Variants in SMG7 observed in about 807,000 individuals in gnomAD.
The protein encoded by SMG7 is nonsense-mediated mRNA decay factor SMG7.
Under a neutral mutation model 148.2 loss-of-function variants are expected in SMG7, and 34 were observed. That is an observed-to-expected ratio of 0.23 (90% CI 0.17 to 0.31). The LOEUF (loss-of-function observed/expected upper bound fraction) is 0.31. SMG7 is among the 10% of genes least tolerant of loss of function. SMG7 has a pLI of 1.00. For missense variants in SMG7, 1,114 were observed against 1,408.4 expected, an observed-to-expected ratio of 0.79 and a Z score of 3.35; for synonymous variants, 492 against 515.1, an observed-to-expected ratio of 0.96 and a Z score of 0.61.
intron 14 of SMG7, among the ~76,000 whole-genome samples, chr1:183,543,790 A>G (rs563176220): frequency 4.6e-5 from 7 of 152,242 alleles, no homozygotes; most frequent in Middle Eastern, 3.4e-3. Flanking sequence ...GGCTCCATCT[A>G]TAGGATCTCA....
intron 1 of SMG7, among the ~76,000 whole-genome samples, chr1:183,493,651 G>A (rs1356814308): frequency 4.6e-5 from 7 of 152,078 alleles, no homozygotes; most frequent in African/African-American, 7.2e-5. Context: ...GCGCAATCTC[G>A]GCTGATTGCA....
Position 183,545,005 on chromosome 1 carries a change from G to T in SMG7, c.2063G>T (p.Gly688Val). The T allele has an allele frequency of 6.2e-7, 1 of 1,613,728 alleles. No individual in the cohort carries two copies. The highest frequency in any genetic ancestry group is 8.5e-7 in the Non-Finnish European group (1 of 1,179,920). The change falls in exon 16 of 23, where the codon GGT (glycine) becomes GTT (valine). Residue 688 changes from glycine (G) to valine (V), a missense_variant. By Grantham distance (109) the Gly-to-Val change is moderately radical. This residue lies in a region of SMG7 where 788 missense variants were observed against 894.5 expected (regional missense o/e 0.88). Coordinates refer to ENST00000688051, the MANE Select transcript of SMG7 (RefSeq NM_001375584.1). The part of the protein sequence containing the change: ...SMGSGYTFPA[G>V]VSVPGTFLQP... ...GGCTCAGGTTACACCTTCCCAGCTG[G>T]TGTTTCTGTCCCAGGAACCTTTCTT...
intron 22 of SMG7, 53 bp downstream of exon 22, chr1:183,551,243 C>G: frequency 6.6e-7 from 1 of 1,508,196 alleles, no homozygotes. Context: ...AAAGGTGTCT[C>G]TGCTTTCATT....
At chr1:183,496,424 A>G (rs1658497124) in intron 1 of SMG7, among the ~76,000 whole-genome samples, 1 of 152,146 alleles carries the variant, frequency 6.6e-6, no homozygotes, top group Non-Finnish European at 1.5e-5. Flanking sequence ...TTTGACCTTT[A>G]CATCTCTCTG....
At position 183,527,632 on chromosome 1, in the gene SMG7, A is replaced by G; in HGVS notation, c.485-324A>G. On this transcript the variant is annotated intron_variant, in intron 5 of 22. Coordinates refer to ENST00000688051, the MANE Select transcript of SMG7 (RefSeq NM_001375584.1). The surrounding 1 kb of genome is among the most constrained non-coding windows in gnomAD (Gnocchi z 4.0). Reference sequence around the variant, plus strand: ...GTTTTGTTTTGTTTTTAAGTGCCATATAACTCACCCCTTCTTGTGGGCCGG... The same window carrying G: ...GTTTTGTTTTGTTTTTAAGTGCCATGTAACTCACCCCTTCTTGTGGGCCGG... 2.0e-6 allele frequency: 1 copy of G among 488,082 alleles called. No homozygotes were observed. Among genetic ancestry groups the G allele is most frequent in the Non-Finnish European group, 4.2e-6 (1 of 238,262 alleles). 30.2% of individuals were successfully genotyped at this position (488,082 alleles called of 1,614,324 possible). A position where few individuals can be genotyped will look rare whatever the true frequency, so the allele number is the denominator to read the frequency against.
chr1:183,549,842 C>G lies in SMG7; in HGVS notation c.3052C>G (p.Pro1018Ala), dbSNP rs1259075099. The G allele has an allele frequency of 1.2e-6, 2 of 1,613,578 alleles. No homozygotes were observed. The highest frequency in any genetic ancestry group is 1.1e-5 in the South Asian group (1 of 91,070). The change falls in exon 20 of 23, where the codon CCC (proline) becomes GCC (alanine). Residue 1018 changes from proline (P) to alanine (A), a missense_variant. This residue lies in a region of SMG7 where 788 missense variants were observed against 894.5 expected (regional missense o/e 0.88). Coordinates refer to ENST00000688051, the MANE Select transcript of SMG7 (RefSeq NM_001375584.1). ...LTSSSKAELS[P>A]SMAPQETSLY... ...ATCCAGCTCCAAAGCAGAACTCAGT[C>G]CCTCAATGGCCCCCCAGGAAACATC... is the stretch of plus-strand genomic sequence containing the variant.
intron 1 of SMG7, among the ~76,000 whole-genome samples, chr1:183,503,229 A>G (rs1256715768): frequency 1.3e-5 from 2 of 152,230 alleles, no homozygotes; most frequent in African/African-American, 2.4e-5. Flanking sequence ...TATGAAAGCT[A>G]AGACCTGGCA....
rs112584085 is a variant in SMG7 at position 183,541,923 on chromosome 1, C to A, written c.1416-153C>A. ...AATGAGAACCTCAGTTTCTACATAA[C>A]TACTTTTTGTGTTACCTGAATCCAC... On this transcript the variant is annotated intron_variant, in intron 13 of 22. Transcript: ENST00000688051. Among the ~76,000 whole-genome samples the A allele has an allele frequency of 2.1e-3, 325 of 152,314 alleles. 3 individuals are homozygous for A. The highest frequency in any genetic ancestry group is 7.3e-3 in the African/African-American group (302 of 41,576).
chr1:183,529,420 T>G lies in SMG7; in HGVS notation c.730T>G (p.Trp244Gly). ...CAGCCGAGATGAGGTGAAAACCAAG[T>G]GGGGTGTTTCTGACTTCATCAAGGC... is the stretch of plus-strand genomic sequence containing the variant. Reference protein sequence around the residue: ...LESRDEVKTKWGVSDFIKAFI... With the variant: ...LESRDEVKTKGGVSDFIKAFI... Residue 244 changes from tryptophan (W) to glycine (G), a missense_variant, in exon 8 of 23, where the codon TGG becomes GGG. Trp to Gly is a radical substitution (Grantham distance 184). Transcript: ENST00000688051. 1 of 1,612,756 alleles carries G rather than the reference T, an allele frequency of 6.2e-7. No individual in the cohort carries two copies. The highest frequency in any genetic ancestry group is 1.1e-5 in the South Asian group (1 of 90,876).
chr1:183,510,326 A>G (rs1661849079), intron 1 of SMG7, among the ~76,000 whole-genome samples: 1 of 152,182 alleles, frequency 6.6e-6, no homozygotes, highest in Non-Finnish European at 1.5e-5. Flanking sequence ...TGACATTGGT[A>G]GGATAGGGTA....
chr1:183,522,263 A>C (rs1285749984), intron 4 of SMG7, among the ~76,000 whole-genome samples: 1 of 152,180 alleles, frequency 6.6e-6, no homozygotes, highest in East Asian at 1.9e-4. Context: ...AAAATCATAA[A>C]AATTTTATGA....
chr1:183,521,290 A>G (rs963246097), intron 4 of SMG7, among the ~76,000 whole-genome samples: 2 of 151,888 alleles, frequency 1.3e-5, no homozygotes, highest in Admixed American at 6.6e-5. Flanking sequence ...GTAGAGATGG[A>G]CTTTCGCCAT....
chr1:183,553,665 GTT>G lies in SMG7; in HGVS notation c.*1737_*1738del, dbSNP rs1671431066. The G allele has an allele frequency of 6.5e-6, 1 of 152,850 alleles. No homozygotes were observed. The highest frequency in any genetic ancestry group is 6.9e-5 in the Admixed American group (1 of 14,494). The allele number at this position is 152,850 out of a possible 1,614,324, so 9.5% of individuals were successfully genotyped here. A position where few individuals can be genotyped will look rare whatever the true frequency, so the allele number is the denominator to read the frequency against. The stretch of plus-strand genomic sequence containing the variant: ...TCTTTTAGTTTGACATGGTGTTTGG[GTT>G]TTGTTTTTTTGAAAGGTCTGAAAAG... On this transcript the variant is annotated 3_prime_UTR_variant, in exon 23 of 23. Transcript: ENST00000688051.
intron 15 of SMG7, 100 bp downstream of exon 15, chr1:183,544,597 G>A: frequency 1.5e-6 from 2 of 1,295,240 alleles, no homozygotes; most frequent in Non-Finnish European, 2.2e-6. Context: ...ATGTTACTAA[G>A]CCATAAAAAG....
intron 9 of SMG7, 143 bp from the exon 10 acceptor site, chr1:183,533,533 A>T: frequency 1.1e-6 from 1 of 880,132 alleles, no homozygotes; most frequent in Non-Finnish European, 1.7e-6. Flanking sequence ...CATTTTTAAT[A>T]TGGGAAAGAA....
Position 183,542,189 on chromosome 1 carries a change from C to A in SMG7, c.1529C>A (p.Ser510Tyr). ...AKENLILQETSVIESLAADGS... is the reference protein window; with the variant it reads ...AKENLILQETYVIESLAADGS... ...GAGAACCTCATTCTGCAAGAAACATCTGTGATAGAGTCGCTGGCTGCAGAT... is the reference window on the plus strand; with the variant it reads ...GAGAACCTCATTCTGCAAGAAACATATGTGATAGAGTCGCTGGCTGCAGAT... The change falls in exon 14 of 23, where the codon TCT (serine) becomes TAT (tyrosine). Residue 510 changes from serine (S) to tyrosine (Y), a missense_variant. By Grantham distance (144) the Ser-to-Tyr change is moderately radical. Transcript: ENST00000688051. 1 of 1,614,126 alleles carries A rather than the reference C, an allele frequency of 6.2e-7. No individual in the cohort carries two copies. Among genetic ancestry groups the A allele is most frequent in the Non-Finnish European group, 8.5e-7 (1 of 1,179,994 alleles).
intron 1 of SMG7, among the ~76,000 whole-genome samples, chr1:183,509,393 A>G (rs1661658102): frequency 6.6e-6 from 1 of 152,196 alleles, no homozygotes; most frequent in Admixed American, 6.5e-5. Context: ...CTACTTTGAA[A>G]GAAATAGAAA....
intron 1 of SMG7, among the ~76,000 whole-genome samples, chr1:183,500,740 T>C (rs1659540604): frequency 6.6e-6 from 1 of 151,160 alleles, no homozygotes; most frequent in Admixed American, 6.6e-5. Context: ...AGGAGGGAAG[T>C]GGGAGGGCAT....
At chr1:183,490,020 A>G (rs998470818) in intron 1 of SMG7, among the ~76,000 whole-genome samples, 1 of 152,238 alleles carries the variant, frequency 6.6e-6, no homozygotes, top group African/African-American at 2.4e-5. Context: ...CTCTTGGGAT[A>G]TGGCCCAGCA....
Sources: allele counts gnomAD v4.1 joint callset (sites outside exome capture counted in the v4.1 genomes callset), GRCh38; gene constraint gnomAD v4.1.1; regional missense constraint gnomAD v4.1.1; non-coding constraint Gnocchi (gnomAD v3.1); transcripts MANE v1.5; gene names NCBI Gene and HGNC (gene_info 2026-07-23, HGNC 2026-07-21).